Variants in ULK4 observed in about 807,000 individuals in gnomAD.
The protein encoded by ULK4 is inactive serine/threonine-protein kinase ULK4.
Under a neutral mutation model 160.6 loss-of-function variants are expected in ULK4, and 133 were observed. The ratio of observed to expected loss-of-function variants is 0.83; its 90% CI spans 0.72 to 0.96. The LOEUF (loss-of-function observed/expected upper bound fraction) is 0.96. Among genes scored for constraint, ULK4 ranks in the 40% least tolerant of loss-of-function variants. ULK4 has a pLI of 0.00. For synonymous variants in ULK4, 534 were observed against 539.8 expected, an observed-to-expected ratio of 0.99 and a Z score of 0.15; for missense variants, 1,580 against 1,499.5, an observed-to-expected ratio of 1.05 and a Z score of -0.89.
chr3:41,715,126 C>T, intron 25 of ULK4, 111 bp downstream of exon 25: 3 of 1,129,662 alleles, frequency 2.7e-6, no homozygotes, highest in Non-Finnish European at 3.9e-6. Context: ...TCCCTAGAGA[C>T]AAATAAATAC....
At chr3:41,837,627 G>A (rs377328738) in intron 17 of ULK4, among the ~76,000 whole-genome samples, 1 of 150,706 alleles carries the variant, frequency 6.6e-6, no homozygotes, top group African/African-American at 2.4e-5. Flanking sequence ...GCAGTCGCAC[G>A]ATCTCAGCTC....
intron 34 of ULK4, among the ~76,000 whole-genome samples, chr3:41,437,276 T>C (rs1442214644): frequency 6.6e-6 from 1 of 152,208 alleles, no homozygotes; most frequent in Non-Finnish European, 1.5e-5. Context: ...AAGGGATGTG[T>C]ACTTTTGAAT....
intron 35 of ULK4, chr3:41,277,777 C>G (rs1020401139): frequency 1.3e-5 from 2 of 152,204 alleles, no homozygotes; most frequent in Non-Finnish European, 2.9e-5. Flanking sequence ...GTTAAACTGT[C>G]ACTGTTTGCT....
At chr3:41,471,236 C>T (rs1235553257) in intron 32 of ULK4, among the ~76,000 whole-genome samples, 3 of 152,030 alleles carry the variant, frequency 2.0e-5, no homozygotes, top group Non-Finnish European at 4.4e-5. Context: ...TAAACCAAAA[C>T]TACAGAAAGC....
chr3:41,823,072 TGA>T (rs2041202914), intron 18 of ULK4, among the ~76,000 whole-genome samples: 7 of 151,646 alleles, frequency 4.6e-5, no homozygotes, highest in Non-Finnish European at 7.4e-5. Flanking sequence ...AAGATAATGA[TGA>T]GTGCTATAAA....
At chr3:41,530,609 C>T (rs1440173473) in intron 32 of ULK4, among the ~76,000 whole-genome samples, 1 of 152,158 alleles carries the variant, frequency 6.6e-6, no homozygotes, top group African/African-American at 2.4e-5. Context: ...CAGCTGAGTT[C>T]TCTGCCAACC....
chr3:41,819,520 G>T lies in ULK4; in HGVS notation c.1765-14C>A. 3 of 1,573,572 alleles carry T rather than the reference G, an allele frequency of 1.9e-6. No homozygotes were observed. The highest frequency in any genetic ancestry group is 2.6e-6 in the Non-Finnish European group (3 of 1,172,568). ...TTTTTTTTCTTCCTAAAATGAAGTG[G>T]GAAAAAAAAAGGCAGTGAAGCTAAC... is the stretch of plus-strand genomic sequence containing the variant. On this transcript the variant is annotated splice_polypyrimidine_tract_variant and intron_variant, in intron 18 of 36. Coordinates refer to ENST00000301831, the MANE Select transcript of ULK4 (RefSeq NM_017886.4).
Position 41,553,951 on chromosome 3 carries a change from C to G in ULK4, c.3226+12074G>C, listed in dbSNP as rs150126062. On this transcript the variant is annotated intron_variant, in intron 32 of 36. Coordinates refer to ENST00000301831, the MANE Select transcript of ULK4 (RefSeq NM_017886.4). ...TCTTTCTAACTATTTTATTGGTAACCGTTAGCCATCCCCACTTCCCCCACC... is the reference window on the plus strand; with the variant it reads ...TCTTTCTAACTATTTTATTGGTAACGGTTAGCCATCCCCACTTCCCCCACC... Among the ~76,000 whole-genome samples the G allele has an allele frequency of 2.7e-3, 417 of 152,122 alleles. 4 individuals carry two copies. The highest frequency in any genetic ancestry group is 9.6e-3 in the African/African-American group (398 of 41,512).
At chr3:41,452,314 A>G (rs1431369862) in intron 34 of ULK4, among the ~76,000 whole-genome samples, 1 of 152,202 alleles carries the variant, frequency 6.6e-6, no homozygotes, top group Non-Finnish European at 1.5e-5. Context: ...TAGGGCCTAC[A>G]GTATTTGGGT....
At chr3:41,561,439 G>T (rs987102635) in intron 32 of ULK4, among the ~76,000 whole-genome samples, 1 of 152,164 alleles carries the variant, frequency 6.6e-6, no homozygotes, top group Non-Finnish European at 1.5e-5. Context: ...TGAAGGAATG[G>T]TAACAGCTCC....
chr3:41,829,051 T>C (rs1575784185), intron 18 of ULK4, among the ~76,000 whole-genome samples: 1 of 151,164 alleles, frequency 6.6e-6, no homozygotes, highest in East Asian at 1.9e-4. Flanking sequence ...GGGGAAAGGA[T>C]TCCCTATTTA....
chr3:41,589,544 C>A (rs1423964544), intron 31 of ULK4, among the ~76,000 whole-genome samples: 1 of 151,728 alleles, frequency 6.6e-6, no homozygotes, highest in Non-Finnish European at 1.5e-5. Flanking sequence ...ACCAGCCAGA[C>A]CACAGAGGTC....
chr3:41,525,413 T>G (rs2086078546), intron 32 of ULK4, among the ~76,000 whole-genome samples: 1 of 152,194 alleles, frequency 6.6e-6, no homozygotes, highest in African/African-American at 2.4e-5. Flanking sequence ...CGGCTCCCCA[T>G]CCAACAGCCG....
chr3:41,295,691 C>T lies in ULK4; in HGVS notation c.3679-46117G>A, dbSNP rs1179053051. ...AAGCATATGAAAAGATGCTCCACAT[C>T]GTTTGACATCAAGAAATGTAAATTA... On this transcript the variant is annotated intron_variant, in intron 35 of 36. Coordinates refer to ENST00000301831, the MANE Select transcript of ULK4 (RefSeq NM_017886.4). Among the ~76,000 whole-genome samples the T allele has an allele frequency of 6.7e-5, 10 of 148,524 alleles. 4 individuals carry two copies. Among genetic ancestry groups the T allele is most frequent in the Admixed American group, 1.3e-4 (2 of 14,944 alleles).
chr3:41,691,690 G>A (rs1348354878), intron 27 of ULK4, among the ~76,000 whole-genome samples: 1 of 151,754 alleles, frequency 6.6e-6, no homozygotes, highest in Non-Finnish European at 1.5e-5. Context: ...CTTAGGACCT[G>A]AGAAATTTCA....
chr3:41,517,214 T>C, intron 32 of ULK4, among the ~76,000 whole-genome samples: 1 of 81,570 alleles, frequency 1.2e-5, no homozygotes, highest in Non-Finnish European at 3.0e-5. Flanking sequence ...AACACACTGA[T>C]AATATCAAAT....
intron 32 of ULK4, among the ~76,000 whole-genome samples, chr3:41,501,221 C>G (rs545026907): frequency 1.6e-4 from 24 of 152,194 alleles, no homozygotes; most frequent in Admixed American, 1.4e-3. Flanking sequence ...TGGCTGGGCG[C>G]GGTGGCTCAT....
intron 32 of ULK4, among the ~76,000 whole-genome samples, chr3:41,501,217 G>A (rs1321372595): frequency 6.6e-6 from 1 of 152,180 alleles, no homozygotes; most frequent in Non-Finnish European, 1.5e-5. Flanking sequence ...TGTTTGGCTG[G>A]GCGCGGTGGC....
chr3:41,507,246 T>C (rs1273966198), intron 32 of ULK4, among the ~76,000 whole-genome samples: 1 of 145,584 alleles, frequency 6.9e-6, no homozygotes, highest in Non-Finnish European at 1.5e-5. Flanking sequence ...CATTATAATG[T>C]TAAAAACAAT....
Sources: allele counts gnomAD v4.1 joint callset (sites outside exome capture counted in the v4.1 genomes callset), GRCh38; gene constraint gnomAD v4.1.1; transcripts MANE v1.5; gene names NCBI Gene and HGNC (gene_info 2026-07-23, HGNC 2026-07-21).